EEF2: variants seen among roughly 807,000 people sequenced by gnomAD.
EEF2 encodes eukaryotic translation elongation factor 2.
Under a neutral mutation model 85.3 loss-of-function variants are expected in EEF2, and 21 were observed. The ratio of observed to expected loss-of-function variants is 0.25; its 90% CI spans 0.17 to 0.35. EEF2 has a LOEUF of 0.35. EEF2 is among the 10% of genes least tolerant of loss of function. EEF2 has a pLI of 1.00. For missense variants in EEF2, 825 were observed against 1,225.3 expected, an observed-to-expected ratio of 0.67 and a Z score of 4.88; for synonymous variants, 723 against 508.8, an observed-to-expected ratio of 1.42 and a Z score of -5.67.
chr19:3,978,694 AC>A (rs1010538499), intron 11 of EEF2, among the ~76,000 whole-genome samples: 7 of 149,486 alleles, frequency 4.7e-5, no homozygotes, highest in Non-Finnish European at 1.0e-4. Flanking sequence ...AGTCCCAGCT[AC>A]AGGAGGCTGA....
At position 3,984,355 on chromosome 19, in the gene EEF2, G is replaced by A. The variant is rs772044878; in HGVS notation, c.4-5C>T. ...CTGGTCTACCGTGAAGTTCACCTGG[G>A]CAAGACAAGGAGGCTCAGACCAGCT... On this transcript the variant is annotated splice_region_variant and splice_polypyrimidine_tract_variant and intron_variant, in intron 1 of 14. Coordinates refer to ENST00000309311, the MANE Select transcript of EEF2 (RefSeq NM_001961.4). The A allele has an allele frequency of 1.2e-6, 2 of 1,613,668 alleles. No homozygotes were observed. The highest frequency in any genetic ancestry group is 1.7e-5 in the Admixed American group (1 of 59,994).
At position 3,980,843 on chromosome 19, in the gene EEF2, A is replaced by G; in HGVS notation, c.1148T>C (p.Met383Thr). ...GCCCGGCCACCGGGACCACGTACCC[A>G]TGGCAGCCTCGTCGTCCGGGGGCCC... ...YEGPPDDEAA[M>T]GIKSCDPKGP... The change falls in exon 8 of 15, where the codon ATG becomes ACG. Residue 383 changes from methionine to threonine, a missense_variant and splice_region_variant. Physicochemically the swap from Met to Thr is moderately conservative, Grantham distance 81. Transcript: ENST00000309311. 6.4e-7 allele frequency: 1 copy of G among 1,570,286 alleles called. No individual in the cohort carries two copies. Among genetic ancestry groups the G allele is most frequent in the Non-Finnish European group, 8.6e-7 (1 of 1,159,192 alleles).
chr19:3,981,074 G>A lies in EEF2; in HGVS notation c.1012-95C>T, dbSNP rs1350023045. The A allele has an allele frequency of 1.4e-5, 21 of 1,485,664 alleles. No individual in the cohort carries two copies. The East Asian group carries it at 2.7e-4, about 19-fold the overall frequency. The allele number at this position is 1,485,664 out of a possible 1,614,324, so 92.0% of individuals were successfully genotyped here. A position where few individuals can be genotyped will look rare whatever the true frequency, so the allele number is the denominator to read the frequency against. Reference sequence around the variant, plus strand: ...CTCTCTTGAAGCCAAGGAAGCCAAAGTCAGGACTAACGTTCTCCAAAGCAC... The same window carrying A: ...CTCTCTTGAAGCCAAGGAAGCCAAAATCAGGACTAACGTTCTCCAAAGCAC... On this transcript the variant is annotated intron_variant, in intron 7 of 14. Transcript: ENST00000309311.
At position 3,976,734 on chromosome 19, in the gene EEF2, G is replaced by C; in HGVS notation, c.2397C>G (p.Asp799Glu). ...CCTGGCCGCCCGTGTTGGACCTCAG[G>C]TCAGCGGTGAAGCCTGCAGAGGGAA... ...PVNESFGFTADLRSNTGGQAF... is the reference protein window; with the variant it reads ...PVNESFGFTAELRSNTGGQAF... Residue 799 changes from aspartate (D) to glutamate (E), a missense_variant, in exon 15 of 15, where the codon GAC (aspartate) becomes GAG (glutamate). Physicochemically the swap from Asp to Glu is conservative, Grantham distance 45. Transcript: ENST00000309311. 6.3e-7 allele frequency: 1 copy of C among 1,589,934 alleles called. No individual in the cohort carries two copies. Among genetic ancestry groups the C allele is most frequent in the Non-Finnish European group, 8.5e-7 (1 of 1,172,202 alleles).
rs2145355764 is a variant in EEF2, at chr19:3,977,284, C to T, written c.2314G>A (p.Glu772Lys). 1.2e-6 allele frequency: 2 copies of T among 1,610,512 alleles called. No homozygotes were observed. Among genetic ancestry groups the T allele is most frequent in the Non-Finnish European group, 1.7e-6 (2 of 1,178,392 alleles). ...GGGGTGCCGGCCACCTGGGACTCCT[C>T]GAACACGTGGCCCCGCTTCCTGTTC... ...VLNRKRGHVF[E>K]ESQVAGTPMF... The change falls in exon 14 of 15, where the codon GAG becomes AAG. Residue 772 changes from glutamate (E) to lysine (K), a missense_variant. Transcript: ENST00000309311. The surrounding 1 kb of genome is among the most constrained non-coding windows in gnomAD (Gnocchi z 5.4).
Position 3,976,241 on chromosome 19 carries a change from G to T in EEF2, c.*313C>A, listed in dbSNP as rs1461409023. 1 of 374,328 alleles carries T rather than the reference G, an allele frequency of 2.7e-6. No individual in the cohort carries two copies. The highest frequency in any genetic ancestry group is 4.4e-5 in the Admixed American group (1 of 22,514). 23.2% of individuals were successfully genotyped at this position (374,328 alleles called of 1,614,324 possible). A position where few individuals can be genotyped will look rare whatever the true frequency, so the allele number is the denominator to read the frequency against. ...CCTCTTAATGCGTTTGTTAAAATTA[G>T]TTTGGACATCTGAGTTTCCCTCTGA... On this transcript the variant is annotated 3_prime_UTR_variant, in exon 15 of 15. Coordinates refer to ENST00000309311, the MANE Select transcript of EEF2 (RefSeq NM_001961.4).
Position 3,977,680 on chromosome 19 carries a change from C to T in EEF2, c.2068-70G>A, listed in dbSNP as rs1355795293. On this transcript the variant is annotated intron_variant, in intron 12 of 14. Coordinates refer to ENST00000309311, the MANE Select transcript of EEF2 (RefSeq NM_001961.4). The surrounding 1 kb of genome is among the most constrained non-coding windows in gnomAD (Gnocchi z 5.4). ...GCTGCTTGCCCTCCACCTGCCAAGT[C>T]CTGCAGGTCTCCACCAGGGGGACCT... is the stretch of plus-strand genomic sequence containing the variant. 1 of 1,475,934 alleles carries T rather than the reference C, an allele frequency of 6.8e-7. No homozygotes were observed. Among genetic ancestry groups the T allele is most frequent in the Non-Finnish European group, 8.9e-7 (1 of 1,118,790 alleles). The allele number at this position is 1,475,934 out of a possible 1,614,324, so 91.4% of individuals were successfully genotyped here.
At position 3,983,766 on chromosome 19, in the gene EEF2, T is replaced by C. The variant is rs905674858; in HGVS notation, c.218+370A>G. 5 of 327,220 alleles carry C rather than the reference T, an allele frequency of 1.5e-5. No homozygotes were observed. In the East Asian group the frequency reaches 3.5e-4, roughly 23 times the overall value. The allele number at this position is 327,220 out of a possible 1,614,324, so 20.3% of individuals were successfully genotyped here. A position where few individuals can be genotyped will look rare whatever the true frequency, so the allele number is the denominator to read the frequency against. On this transcript the variant is annotated intron_variant, in intron 2 of 14. Transcript: ENST00000309311. The stretch of plus-strand genomic sequence containing the variant: ...CCCTACTCATATCGGGGCCAGAAAC[T>C]GACATGGAATGAACATCATCCAGTG...
At position 3,983,030 on chromosome 19, in the gene EEF2, G is replaced by C. The variant is rs202156613; in HGVS notation, c.401-12C>G. On this transcript the variant is annotated splice_polypyrimidine_tract_variant and intron_variant, in intron 3 of 14. Coordinates refer to ENST00000309311, the MANE Select transcript of EEF2 (RefSeq NM_001961.4). ...CTGCACGCACACGCCTGGGGACACG[G>C]GGGACAGGGCGGCGCTGTCATCCTC... The C allele has an allele frequency of 5.6e-6, 9 of 1,612,832 alleles. No individual in the cohort carries two copies. Among genetic ancestry groups the C allele is most frequent in the Non-Finnish European group, 6.8e-6 (8 of 1,179,798 alleles).
intron 3 of EEF2, 24 bp from the exon 4 acceptor site, chr19:3,983,042 G>A (rs1447254093): frequency 1.9e-6 from 3 of 1,611,772 alleles, no homozygotes; most frequent in Non-Finnish European, 2.5e-6. Context: ...GGACAGGGCG[G>A]CGCTGTCATC....
chr19:3,979,431 G>T lies in EEF2; in HGVS notation c.1611C>A (p.Ile537=). Residue 537 remains isoleucine, a synonymous_variant, in exon 11 of 15, where the codon ATC becomes ATA. Transcript: ENST00000309311. The part of the protein sequence containing the change: ...LAKSDPMVQC[I]IEESGEHIIA... The stretch of plus-strand genomic sequence containing the variant: ...TGATATGCTCTCCCGACTCCTCGAT[G>T]ATGCACTGAAAGGGATGCGGGTCAG... 1.9e-6 allele frequency: 3 copies of T among 1,613,374 alleles called. No individual in the cohort carries two copies. Among genetic ancestry groups the T allele is most frequent in the Non-Finnish European group, 1.7e-6 (2 of 1,179,870 alleles).
intron 7 of EEF2, 72 bp downstream of exon 7, chr19:3,981,267 C>G: frequency 6.8e-7 from 1 of 1,461,020 alleles, no homozygotes; most frequent in Non-Finnish European, 9.6e-7. Flanking sequence ...AGCCCCCAGG[C>G]CTGGGCTGTC....
In EEF2 at chr19:3,977,252, A is replaced by C; in HGVS notation, c.2346T>G (p.Phe782Leu). The C allele has an allele frequency of 6.2e-7, 1 of 1,613,702 alleles. No individual in the cohort carries two copies. The highest frequency in any genetic ancestry group is 8.5e-7 in the Non-Finnish European group (1 of 1,179,892). Residue 782 changes from phenylalanine to leucine, a missense_variant, in exon 14 of 15, where the codon TTT (phenylalanine) becomes TTG (leucine). Phe to Leu is a conservative substitution (Grantham distance 22, BLOSUM62 0). Coordinates refer to ENST00000309311, the MANE Select transcript of EEF2 (RefSeq NM_001961.4). The surrounding 1 kb of genome is among the most constrained non-coding windows in gnomAD (Gnocchi z 5.4). ...TGACGGGCAGATAGGCCTTGACCAC[A>C]AACATGGGGGTGCCGGCCACCTGGG... ...EESQVAGTPM[F>L]VVKAYLPVNE...
intron 11 of EEF2, among the ~76,000 whole-genome samples, chr19:3,978,697 G>A (rs1568199468): frequency 6.7e-6 from 1 of 149,636 alleles, no homozygotes; most frequent in Non-Finnish European, 1.5e-5. Flanking sequence ...CCCAGCTACA[G>A]GAGGCTGAGG....
Position 3,981,008 on chromosome 19 carries a change from C to T in EEF2, c.1012-29G>A, listed in dbSNP as rs897121143. 8.4e-6 allele frequency: 13 copies of T among 1,556,184 alleles called. No homozygotes were observed. In the Admixed American group the frequency reaches 1.2e-4, roughly 14 times the overall value. ...CGGGGGCAGAGAGCGGTGCATGAGA[C>T]ACCTGGGGAGCCCAGGATGGCCCCA... On this transcript the variant is annotated intron_variant, in intron 7 of 14. Coordinates refer to ENST00000309311, the MANE Select transcript of EEF2 (RefSeq NM_001961.4).
Position 3,983,026 on chromosome 19 carries a change from C to T in EEF2, c.401-8G>A. On this transcript the variant is annotated splice_polypyrimidine_tract_variant and splice_region_variant and intron_variant, in intron 3 of 14. Transcript: ENST00000309311. Reference sequence around the variant, plus strand: ...CCGTCTGCACGCACACGCCTGGGGACACGGGGGACAGGGCGGCGCTGTCAT... The same window carrying T: ...CCGTCTGCACGCACACGCCTGGGGATACGGGGGACAGGGCGGCGCTGTCAT... The T allele has an allele frequency of 6.2e-7, 1 of 1,612,806 alleles. No individual in the cohort carries two copies. Among genetic ancestry groups the T allele is most frequent in the Non-Finnish European group, 8.5e-7 (1 of 1,179,816 alleles).
chr19:3,979,358 C>T lies in EEF2; in HGVS notation c.1684G>A (p.Glu562Lys), dbSNP rs1232025372. The T allele has an allele frequency of 6.2e-7, 1 of 1,613,918 alleles. No homozygotes were observed. Among genetic ancestry groups the T allele is most frequent in the Non-Finnish European group, 8.5e-7 (1 of 1,180,004 alleles). ...ATGGGGATGCAGGCGTGGTCCTCCTCCAGGTCCTTCAGGCAGATCTCCAGG... is the reference window on the plus strand; with the variant it reads ...ATGGGGATGCAGGCGTGGTCCTCCTTCAGGTCCTTCAGGCAGATCTCCAGG... ...LHLEICLKDL[E>K]EDHACIPIKK... is the part of the protein sequence containing the mutation. The change falls in exon 11 of 15, where the codon GAG (glutamate) becomes AAG (lysine). Residue 562 changes from glutamate to lysine, a missense_variant. By Grantham distance (56) the Glu-to-Lys change is moderately conservative. Transcript: ENST00000309311.
Position 3,977,381 on chromosome 19 carries a change from G to T in EEF2, c.2251-34C>A, listed in dbSNP as rs770164294. 1.3e-6 allele frequency: 2 copies of T among 1,592,376 alleles called. No homozygotes were observed. Among genetic ancestry groups the T allele is most frequent in the Non-Finnish European group, 1.7e-6 (2 of 1,170,046 alleles). ...AGGGAAAGAAAACCTGTCAGTGGCC[G>T]CTGGGCAGGACGGTGGCAGGGTCAG... On this transcript the variant is annotated intron_variant, in intron 13 of 14. Transcript: ENST00000309311. This position sits in a 1 kb window ranked among gnomAD's most constrained non-coding sequence, Gnocchi z 5.4.
intron 2 of EEF2, 81 bp from the exon 3 acceptor site, chr19:3,983,372 C>T: frequency 1.4e-6 from 2 of 1,445,766 alleles, no homozygotes; most frequent in Non-Finnish European, 9.4e-7. Context: ...AGAAGCCAGG[C>T]TGCTCCTCCC....
Sources: gnomAD v4.1 joint callset for allele counts (sites outside exome capture counted in the v4.1 genomes callset) on GRCh38, gnomAD v4.1.1 for gene constraint, Gnocchi (gnomAD v3.1) non-coding constraint, MANE v1.5 for transcripts, NCBI Gene and HGNC (gene_info 2026-07-23, HGNC 2026-07-21) for gene names.